The following ZFPM2 variants were observed in gnomAD, a reference collection of about 807,000 sequenced individuals.
The protein encoded by ZFPM2 is zinc finger protein, FOG family member 2.
Under a neutral mutation model 98.6 loss-of-function variants are expected in ZFPM2, and 20 were observed. The observed-to-expected ratio is 0.20, with a 90% confidence interval of 0.14 to 0.29. ZFPM2 has a LOEUF of 0.29. ZFPM2 is among the 10% of genes least tolerant of loss of function. The pLI is 1.00. For missense variants in ZFPM2, 1,310 were observed against 1,388.6 expected (o/e 0.94, Z 0.90); for synonymous variants, 518 against 502.7 (o/e 1.03, Z -0.41).
At chr8:105,420,631 A>C (rs1468832638) in intron 2 of ZFPM2, among the ~76,000 whole-genome samples, 4 of 152,186 alleles carry the variant, frequency 2.6e-5, no homozygotes. Context: ...CTCAGATTTC[A>C]AGCCAAATTA....
At chr8:105,651,447 G>A (rs1817173512) in intron 5 of ZFPM2, among the ~76,000 whole-genome samples, 1 of 139,054 alleles carries the variant, frequency 7.2e-6, no homozygotes, top group Non-Finnish European at 1.5e-5. Flanking sequence ...TAGCCTGGGT[G>A]ACAGTGAGAC....
chr8:105,657,762 G>A (rs1174422776), intron 5 of ZFPM2, among the ~76,000 whole-genome samples: 1 of 152,206 alleles, frequency 6.6e-6, no homozygotes, highest in Non-Finnish European at 1.5e-5. Context: ...TAAAGCTGGA[G>A]AAGGATAGAG....
rs921162124 is a variant in ZFPM2 at position 105,803,704 on chromosome 8, G to A, written c.*166G>A. On this transcript the variant is annotated 3_prime_UTR_variant, in exon 8 of 8. Coordinates refer to ENST00000407775, the MANE Select transcript of ZFPM2 (RefSeq NM_012082.4). ...AATTTCATTACAGTCCATTAGTAAA[G>A]TGTATTATTGGTGCCATTTTCAAAA... 21 of 636,966 alleles carry A rather than the reference G, an allele frequency of 3.3e-5. No individual in the cohort carries two copies. Among genetic ancestry groups the A allele is most frequent in the Middle Eastern group, 4.3e-4 (1 of 2,312 alleles). 39.5% of individuals were successfully genotyped at this position (636,966 alleles called of 1,614,324 possible).
intron 5 of ZFPM2, among the ~76,000 whole-genome samples, chr8:105,709,276 C>T (rs1811327599): frequency 6.6e-6 from 1 of 152,156 alleles, no homozygotes. Flanking sequence ...TGGAAATCTT[C>T]AAATATAAAC....
chr8:105,444,233 G>C (rs756883684), intron 2 of ZFPM2, 47 bp from the exon 3 acceptor site: 17 of 1,458,826 alleles, frequency 1.2e-5, no homozygotes, highest in Non-Finnish European at 1.6e-5. Context: ...ATGTGAAAGA[G>C]AGAGCTTTGC....
intron 3 of ZFPM2, among the ~76,000 whole-genome samples, chr8:105,543,885 G>A (rs146726958): frequency 3.2e-4 from 49 of 152,214 alleles, no homozygotes; most frequent in Middle Eastern, 3.4e-3. Context: ...AGACCTTAAC[G>A]TTGACATTAG....
At chr8:105,447,889 C>T (rs1287345414) in intron 3 of ZFPM2, among the ~76,000 whole-genome samples, 3 of 152,024 alleles carry the variant, frequency 2.0e-5, no homozygotes, top group African/African-American at 7.2e-5. Flanking sequence ...AGTACTTTTT[C>T]CCTTATGTTA....
intron 5 of ZFPM2, among the ~76,000 whole-genome samples, chr8:105,751,586 C>T (rs112279379): frequency 0.013 from 1,988 of 152,144 alleles, 37 homozygotes; most frequent in African/African-American, 0.042. Flanking sequence ...AGTGTAGGAA[C>T]TTCATCTTAT....
At chr8:105,434,647 T>C (rs1005760902) in intron 2 of ZFPM2, among the ~76,000 whole-genome samples, 5 of 152,232 alleles carry the variant, frequency 3.3e-5, no homozygotes, top group Non-Finnish European at 5.9e-5. Flanking sequence ...AGTAGATCTG[T>C]CACTTCTGAA....
At chr8:105,499,892 G>T (rs886589579) in intron 3 of ZFPM2, among the ~76,000 whole-genome samples, 1 of 152,078 alleles carries the variant, frequency 6.6e-6, no homozygotes, top group Non-Finnish European at 1.5e-5. Context: ...TAGAGTCAAG[G>T]CTTCTTCAGA....
chr8:105,522,013 C>G (rs1193535953), intron 3 of ZFPM2, among the ~76,000 whole-genome samples: 5 of 152,164 alleles, frequency 3.3e-5, no homozygotes, highest in Admixed American at 3.3e-4. Flanking sequence ...AAGAGTAGTA[C>G]AGAATTCATC....
chr8:105,590,644 G>T (rs1278173990), intron 4 of ZFPM2, among the ~76,000 whole-genome samples: 2 of 152,222 alleles, frequency 1.3e-5, no homozygotes, highest in South Asian at 2.1e-4. Context: ...GGATGTGGAG[G>T]GCTGATGTGA....
intron 1 of ZFPM2, among the ~76,000 whole-genome samples, chr8:105,372,111 C>T (rs555871330): frequency 2.6e-5 from 4 of 151,828 alleles, no homozygotes; most frequent in South Asian, 2.1e-4. Flanking sequence ...GGCGTGATCT[C>T]GGCTCACTGC....
intron 3 of ZFPM2, among the ~76,000 whole-genome samples, chr8:105,512,138 C>CT (rs1407277561): frequency 3.9e-5 from 6 of 152,278 alleles, no homozygotes; most frequent in Non-Finnish European, 7.3e-5. Flanking sequence ...GAGCAAGACT[C>CT]TGTCTCAAGA....
intron 3 of ZFPM2, among the ~76,000 whole-genome samples, chr8:105,490,834 G>A (rs1248761664): frequency 6.6e-6 from 1 of 152,012 alleles, no homozygotes; most frequent in East Asian, 1.9e-4. Context: ...TACAGTACTT[G>A]CATGTCTTAA....
chr8:105,778,671 G>A (rs534258108), intron 5 of ZFPM2, among the ~76,000 whole-genome samples: 1 of 152,258 alleles, frequency 6.6e-6, no homozygotes, highest in East Asian at 1.9e-4. Context: ...ATGGTATGTG[G>A]AGGAGATAGA....
rs77389230 is a variant in ZFPM2 at position 105,401,877 on chromosome 8, G to A, written c.41-17267G>A. Among the ~76,000 whole-genome samples, 335 of 152,002 alleles carry A rather than the reference G, an allele frequency of 2.2e-3. 2 individuals are homozygous for A. The highest frequency in any genetic ancestry group is 7.5e-3 in the African/African-American group (312 of 41,490). On this transcript the variant is annotated intron_variant, in intron 1 of 7. Coordinates refer to ENST00000407775, the MANE Select transcript of ZFPM2 (RefSeq NM_012082.4). Reference sequence around the variant, plus strand: ...TGAGCTTTGGAATTCCTGTTGTTTCGTCAGTGTTTGTAAGTAGTTTATGGA... The same window carrying A: ...TGAGCTTTGGAATTCCTGTTGTTTCATCAGTGTTTGTAAGTAGTTTATGGA...
chr8:105,444,361 C>A lies in ZFPM2; in HGVS notation c.281C>A (p.Thr94Lys). ...SEKPGQPGVE[T>K]DDWDGPGELE... is the part of the protein sequence containing the mutation. Reference sequence around the variant, plus strand: ...AAACCGGGGCAACCTGGAGTTGAGACAGACGACTGGGATGGACCAGGTAGG... The same window carrying A: ...AAACCGGGGCAACCTGGAGTTGAGAAAGACGACTGGGATGGACCAGGTAGG... The change falls in exon 3 of 8, where the codon ACA (threonine) becomes AAA (lysine). Residue 94 changes from threonine to lysine, a missense_variant. Thr to Lys is a moderately conservative substitution (Grantham distance 78). Coordinates refer to ENST00000407775, the MANE Select transcript of ZFPM2 (RefSeq NM_012082.4). 1 of 1,611,940 alleles carries A rather than the reference C, an allele frequency of 6.2e-7. No individual in the cohort carries two copies. The highest frequency in any genetic ancestry group is 8.5e-7 in the Non-Finnish European group (1 of 1,178,984).
chr8:105,514,326 TTTTTTTTTTTA>T (rs60062794), intron 3 of ZFPM2, among the ~76,000 whole-genome samples: 5,217 of 107,906 alleles, frequency 0.048, 334 homozygotes, highest in African/African-American at 0.18. Context: ...TTTTTTTTTT[TTTTTTTTTTTA>T]AATAAGGGAG....
Sources: allele counts gnomAD v4.1 joint callset (sites outside exome capture counted in the v4.1 genomes callset), GRCh38; gene constraint gnomAD v4.1.1; transcripts MANE v1.5; gene names NCBI Gene and HGNC (gene_info 2026-07-23, HGNC 2026-07-21).